CDH4: variants seen among roughly 807,000 people sequenced by gnomAD.
The protein encoded by CDH4 is cadherin 4.
In CDH4, 33 loss-of-function variants were observed where a neutral mutation model predicts 86.0. The observed-to-expected ratio is 0.38, with a 90% CI of 0.29 to 0.51. The LOEUF is 0.51. Ranked by LOEUF, CDH4 falls within the 20% of genes least tolerant of loss-of-function variation. The probability of loss-of-function intolerance (pLI) is 0.86; values close to 1 mark genes in which losing one functional copy is unlikely to be tolerated. For missense variants in CDH4, 1,114 were observed against 1,307.4 expected (o/e 0.85, Z 2.28); for synonymous variants, 555 against 549.4 (o/e 1.01, Z -0.14).
chr20:61,657,044 T>C (rs2087199759), intron 2 of CDH4, among the ~76,000 whole-genome samples: 2 of 152,182 alleles, frequency 1.3e-5, no homozygotes, highest in Middle Eastern at 3.2e-3. Flanking sequence ...TCTAGAGCCA[T>C]TCTTGGGCCA....
chr20:61,801,016 T>C (rs1260137206), intron 4 of CDH4, among the ~76,000 whole-genome samples: 1 of 152,094 alleles, frequency 6.6e-6, no homozygotes, highest in Non-Finnish European at 1.5e-5. Flanking sequence ...GGGCACTGAT[T>C]GTCCCCTTCT....
chr20:61,554,283 T>G (rs1488295580), intron 2 of CDH4, among the ~76,000 whole-genome samples: 1 of 152,210 alleles, frequency 6.6e-6, no homozygotes, highest in East Asian at 1.9e-4. Flanking sequence ...CGTAGGTGAA[T>G]CGGACTCTCA....
intron 2 of CDH4, among the ~76,000 whole-genome samples, chr20:61,660,464 C>T (rs2087240792): frequency 6.6e-6 from 1 of 152,244 alleles, no homozygotes; most frequent in Admixed American, 6.5e-5. Context: ...CTCGCTTGCA[C>T]CTCACTCTTG....
At chr20:61,843,770 A>T (rs567968762) in intron 4 of CDH4, among the ~76,000 whole-genome samples, 1 of 152,240 alleles carries the variant, frequency 6.6e-6, no homozygotes, top group African/African-American at 2.4e-5. Context: ...CTGTATTATG[A>T]AATGTTGTGA....
At chr20:61,473,740 CACACACAGACACGCAG>C (rs1485021381) in intron 2 of CDH4, among the ~76,000 whole-genome samples, 1 of 152,094 alleles carries the variant, frequency 6.6e-6, no homozygotes. Flanking sequence ...CACACATACA[CACACACAGACACGCAG>C]ACACACAGAC....
chr20:61,550,519 T>C (rs1319829620), intron 2 of CDH4, among the ~76,000 whole-genome samples: 1 of 152,178 alleles, frequency 6.6e-6, no homozygotes, highest in Non-Finnish European at 1.5e-5. Flanking sequence ...TCCCTGTAAC[T>C]GGTCCCACCC....
chr20:61,660,263 C>T (rs2087238674), intron 2 of CDH4, among the ~76,000 whole-genome samples: 1 of 152,250 alleles, frequency 6.6e-6, no homozygotes, highest in Admixed American at 6.5e-5. Context: ...GAGCGTGGCC[C>T]TGCTGCCCTC....
chr20:61,492,996 A>G (rs181071648), intron 2 of CDH4, among the ~76,000 whole-genome samples: 1 of 152,308 alleles, frequency 6.6e-6, no homozygotes, highest in African/African-American at 2.4e-5. Flanking sequence ...TCAGCCTGGG[A>G]TGGTCAACCA....
At chr20:61,344,561 G>A (rs1330951611) in intron 2 of CDH4, among the ~76,000 whole-genome samples, 1 of 151,986 alleles carries the variant, frequency 6.6e-6, no homozygotes, top group African/African-American at 2.4e-5. Flanking sequence ...TTCTATATTT[G>A]CCATTGTTCT....
At chr20:61,401,100 T>A (rs6121761) in intron 2 of CDH4, among the ~76,000 whole-genome samples, 76,516 of 152,060 alleles carry the variant, frequency 0.5, 20,291 homozygotes, top group African/African-American at 0.67. Context: ...TCCAGCCTCA[T>A]GCTCATCACT....
intron 11 of CDH4, among the ~76,000 whole-genome samples, chr20:61,927,778 TGTGA>T (rs888180603): frequency 6.6e-6 from 1 of 152,212 alleles, no homozygotes; most frequent in Non-Finnish European, 1.5e-5. Flanking sequence ...CCTCCGTGGC[TGTGA>T]GTTTCCACGT....
At chr20:61,539,097 A>G (rs557650013) in intron 2 of CDH4, among the ~76,000 whole-genome samples, 42 of 152,170 alleles carry the variant, frequency 2.8e-4, no homozygotes, top group Admixed American at 1.4e-3. Context: ...GGGGAAGGGA[A>G]CTTGAGATAC....
At chr20:61,638,092 A>G (rs2086968127) in intron 2 of CDH4, among the ~76,000 whole-genome samples, 1 of 152,084 alleles carries the variant, frequency 6.6e-6, no homozygotes, top group Admixed American at 6.5e-5. Flanking sequence ...ACATGAGGCT[A>G]ATTAGGAAGT....
chr20:61,644,703 C>T (rs1403168423), intron 2 of CDH4, among the ~76,000 whole-genome samples: 3 of 152,202 alleles, frequency 2.0e-5, no homozygotes, highest in Admixed American at 2.0e-4. Flanking sequence ...ATCAACAATC[C>T]GTCTATGTGG....
intron 2 of CDH4, among the ~76,000 whole-genome samples, chr20:61,364,349 G>A (rs73308634): frequency 0.028 from 4,265 of 151,314 alleles, 201 homozygotes; most frequent in African/African-American, 0.099. Flanking sequence ...AGGCAACACC[G>A]CAGGGCTATC....
rs555178577 is a variant in CDH4 at position 61,601,222 on chromosome 20, G to A, written c.170-142341G>A. ...CACATGGTGATAGGGGAGCACAGAG[G>A]GGGAAGGTGCCACATACTTTAAACA... is the stretch of plus-strand genomic sequence containing the variant. On this transcript the variant is annotated intron_variant, in intron 2 of 15. Coordinates refer to ENST00000614565, the MANE Select transcript of CDH4 (RefSeq NM_001794.5). Among the ~76,000 whole-genome samples, 3 of 152,244 alleles carry A rather than the reference G, an allele frequency of 2.0e-5. No individual in the cohort carries two copies. In the South Asian group the frequency reaches 6.2e-4, roughly 32 times the overall value.
chr20:61,254,506 G>A (rs898615680), intron 1 of CDH4, among the ~76,000 whole-genome samples: 5 of 152,224 alleles, frequency 3.3e-5, no homozygotes, highest in African/African-American at 9.6e-5. Context: ...TTCTGTCTCT[G>A]CCTTTTGGTC....
chr20:61,885,096 C>T lies in CDH4; in HGVS notation c.1051-9814C>T, dbSNP rs570620463. On this transcript the variant is annotated intron_variant, in intron 7 of 15. Transcript: ENST00000614565. ...AGTGGACATAGGGTGCTGAGTCCCTCGGGCCCCTGCAAGGCAGCGGGGACT... is the reference window on the plus strand; with the variant it reads ...AGTGGACATAGGGTGCTGAGTCCCTTGGGCCCCTGCAAGGCAGCGGGGACT... Among the ~76,000 whole-genome samples the T allele has an allele frequency of 2.0e-5, 3 of 152,216 alleles. No individual in the cohort carries two copies. The South Asian group carries it at 6.2e-4, about 32-fold the overall frequency.
intron 2 of CDH4, among the ~76,000 whole-genome samples, chr20:61,575,738 C>G (rs1166028166): frequency 1.3e-5 from 2 of 152,234 alleles, no homozygotes; most frequent in Admixed American, 6.5e-5. Context: ...TGACCTTACC[C>G]AACCTGAGAG....
Sources: gnomAD v4.1 joint callset for allele counts (sites outside exome capture counted in the v4.1 genomes callset) on GRCh38, gnomAD v4.1.1 for gene constraint, MANE v1.5 for transcripts, NCBI Gene and HGNC (gene_info 2026-07-23, HGNC 2026-07-21) for gene names.